The following ARHGEF33 variants were observed in gnomAD, a reference collection of about 807,000 sequenced individuals.
ARHGEF33 encodes the protein Rho guanine nucleotide exchange factor 33.
In ARHGEF33, 72 loss-of-function variants were observed where a neutral mutation model predicts 101.9. The observed-to-expected ratio is 0.71, with a 90% confidence interval of 0.58 to 0.86. The LOEUF (loss-of-function observed/expected upper bound fraction) is 0.86. Ranked by LOEUF, ARHGEF33 falls within the 40% of genes least tolerant of loss-of-function variation. The pLI, the probability that ARHGEF33 is intolerant of heterozygous loss-of-function variation, is 0.00. For synonymous variants in ARHGEF33, 499 were observed against 442.5 expected (o/e 1.13, Z -1.60); for missense variants, 1,169 against 1,111.3 (o/e 1.05, Z -0.74).
At chr2:38,922,403 A>T (rs1247767747) in intron 4 of ARHGEF33, among the ~76,000 whole-genome samples, 1 of 152,210 alleles carries the variant, frequency 6.6e-6, no homozygotes, top group Admixed American at 6.5e-5. Flanking sequence ...AACGTTATTT[A>T]GATTTGTCGA....
At chr2:38,953,313 C>G in intron 12 of ARHGEF33, 68 bp downstream of exon 12, 1 of 910,708 alleles carries the variant, frequency 1.1e-6, no homozygotes. Flanking sequence ...GCTCATCCAC[C>G]CAGTCAATAC....
intron 1 of ARHGEF33, among the ~76,000 whole-genome samples, chr2:38,892,896 C>T (rs561080119): frequency 1.3e-5 from 2 of 152,272 alleles, no homozygotes; most frequent in East Asian, 1.9e-4. Context: ...GGTGCCTGCT[C>T]ACTGGCCTCT....
At chr2:38,944,779 C>T (rs1458705541) in intron 10 of ARHGEF33, among the ~76,000 whole-genome samples, 1 of 152,098 alleles carries the variant, frequency 6.6e-6, no homozygotes, top group Non-Finnish European at 1.5e-5. Context: ...AACCGAAGCA[C>T]TCAGTGGCCA....
chr2:38,900,498 C>T (rs1666215094), intron 2 of ARHGEF33, among the ~76,000 whole-genome samples: 1 of 152,190 alleles, frequency 6.6e-6, no homozygotes, highest in Non-Finnish European at 1.5e-5. Context: ...CATATGCTAA[C>T]TACTATAAAG....
At chr2:38,940,303 A>G (rs1217525406) in intron 9 of ARHGEF33, among the ~76,000 whole-genome samples, 1 of 151,994 alleles carries the variant, frequency 6.6e-6, no homozygotes, top group Non-Finnish European at 1.5e-5. Flanking sequence ...TTATCCATTT[A>G]GTTTTTCAGA....
chr2:38,943,213 C>T (rs1667358219), intron 9 of ARHGEF33, among the ~76,000 whole-genome samples: 1 of 152,224 alleles, frequency 6.6e-6, no homozygotes, highest in Non-Finnish European at 1.5e-5. Flanking sequence ...CAGGCATGAG[C>T]CACCATGTCC....
At chr2:38,944,062 G>C (rs192379455) in intron 10 of ARHGEF33, 32 bp downstream of exon 10, 1 of 1,527,178 alleles carries the variant, frequency 6.5e-7, no homozygotes, top group East Asian at 2.5e-5. Flanking sequence ...TTGCTTTTCA[G>C]ATTGATTAGG....
intron 12 of ARHGEF33, among the ~76,000 whole-genome samples, 188 bp downstream of exon 12, chr2:38,953,433 C>T (rs1165020969): frequency 2.5e-4 from 38 of 152,202 alleles, no homozygotes; most frequent in Non-Finnish European, 1.0e-4. Context: ...TGTGTTGGTC[C>T]TCTCCCTGCC....
intron 2 of ARHGEF33, among the ~76,000 whole-genome samples, chr2:38,906,509 A>T (rs1408230846): frequency 6.6e-6 from 1 of 152,190 alleles, no homozygotes; most frequent in Admixed American, 6.5e-5. Flanking sequence ...TGTGGGGTTC[A>T]GTATGCCTTA....
chr2:38,962,129 C>G (rs990363353), intron 16 of ARHGEF33, among the ~76,000 whole-genome samples: 48 of 152,294 alleles, frequency 3.2e-4, no homozygotes, highest in African/African-American at 1.1e-3. Context: ...TTTCCTCTAG[C>G]TCTGATTTTC....
intron 9 of ARHGEF33, among the ~76,000 whole-genome samples, chr2:38,942,271 T>G (rs553861126): frequency 2.0e-5 from 3 of 149,038 alleles, no homozygotes; most frequent in East Asian, 4.1e-4. Flanking sequence ...GGGTTCAAAC[T>G]ATTCTCCTGC....
chr2:38,917,727 G>T (rs1010854556), intron 2 of ARHGEF33, among the ~76,000 whole-genome samples: 1 of 151,862 alleles, frequency 6.6e-6, no homozygotes, highest in East Asian at 1.9e-4. Flanking sequence ...TACTCAGGAG[G>T]CTGAGATGGG....
At position 38,929,902 on chromosome 2, in the gene ARHGEF33, A is replaced by G. The variant is rs2124998077; in HGVS notation, c.362+72A>G. The stretch of plus-strand genomic sequence containing the variant: ...GCTTCTGCAGAGGCACCTGGTACAC[A>G]TTCCCCACTATCAGTGTATAGCTAG... On this transcript the variant is annotated intron_variant, in intron 6 of 17. Coordinates refer to ENST00000409978, the MANE Select transcript of ARHGEF33 (RefSeq NM_001145451.5). 5 of 1,348,238 alleles carry G rather than the reference A, an allele frequency of 3.7e-6. No individual in the cohort carries two copies. In the South Asian group the frequency reaches 6.8e-5, roughly 18 times the overall value. 83.5% of individuals were successfully genotyped at this position (1,348,238 alleles called of 1,614,324 possible).
chr2:38,937,781 C>G (rs572934950), intron 9 of ARHGEF33, among the ~76,000 whole-genome samples: 1 of 152,262 alleles, frequency 6.6e-6, no homozygotes, highest in African/African-American at 2.4e-5. Flanking sequence ...GTTCAAGACA[C>G]TTAGTAATGG....
At chr2:38,934,240 CA>C (rs1424027510) in intron 7 of ARHGEF33, among the ~76,000 whole-genome samples, 1 of 152,212 alleles carries the variant, frequency 6.6e-6, no homozygotes, top group African/African-American at 2.4e-5. Context: ...TTTGATTTTA[CA>C]CCTACTTTCT....
At chr2:38,902,314 A>T (rs1572739540) in intron 2 of ARHGEF33, among the ~76,000 whole-genome samples, 1 of 152,134 alleles carries the variant, frequency 6.6e-6, no homozygotes, top group Non-Finnish European at 1.5e-5. Context: ...AAGGCATCTG[A>T]CCTGACAGCC....
At chr2:38,932,233 C>G (rs1667023578) in intron 7 of ARHGEF33, among the ~76,000 whole-genome samples, 1 of 152,040 alleles carries the variant, frequency 6.6e-6, no homozygotes, top group Non-Finnish European at 1.5e-5. Context: ...AGTGATTCTC[C>G]CACCTTTGCC....
At chr2:38,958,729 C>T (rs758932961) in intron 15 of ARHGEF33, among the ~76,000 whole-genome samples, 7 of 151,598 alleles carry the variant, frequency 4.6e-5, no homozygotes, top group South Asian at 2.1e-4. Flanking sequence ...TTTTTGAGAC[C>T]GAGGTACAAT....
At chr2:38,959,387 G>A (rs1667854128) in intron 15 of ARHGEF33, 1 of 154,076 alleles carries the variant, frequency 6.5e-6, no homozygotes. Context: ...AGATTCAACA[G>A]TTATCAAGAT....
Sources: allele counts gnomAD v4.1 joint callset (sites outside exome capture counted in the v4.1 genomes callset), GRCh38; gene constraint gnomAD v4.1.1; transcripts MANE v1.5; gene names NCBI Gene and HGNC (gene_info 2026-07-23, HGNC 2026-07-21).